CACNA1B: variants seen among roughly 807,000 people sequenced by gnomAD.
CACNA1B encodes the protein calcium voltage-gated channel subunit alpha1 B.
CACNA1B carries 70 observed loss-of-function variants against 247.2 expected under a neutral mutation model. That is an observed-to-expected ratio of 0.28 (90% CI 0.23 to 0.35). The LOEUF (loss-of-function observed/expected upper bound fraction) is 0.35, where lower values mean the gene tolerates loss of function less well. Among genes scored for constraint, CACNA1B ranks in the 10% least tolerant of loss-of-function variants. The pLI, the probability that CACNA1B is intolerant of heterozygous loss-of-function variation, is 1.00. For missense variants in CACNA1B, 2,367 were observed against 3,197.4 expected, an observed-to-expected ratio of 0.74 and a Z score of 6.26; for synonymous variants, 1,231 against 1,294.4, an observed-to-expected ratio of 0.95 and a Z score of 1.05.
rs1483721834 is a variant in CACNA1B, at chr9:138,072,695, C to T, written c.4675-793C>T. Among the ~76,000 whole-genome samples the T allele has an allele frequency of 8.5e-5, 13 of 152,202 alleles. No individual in the cohort carries two copies. In the East Asian group the frequency reaches 2.5e-3, roughly 29 times the overall value. ...GCCTGCTTCCCTGAAAGGGATGTGC[C>T]AGTACAGTAATTCAAGTGCCCTGGG... On this transcript the variant is annotated intron_variant, in intron 32 of 46. Coordinates refer to ENST00000371372, the MANE Select transcript of CACNA1B (RefSeq NM_000718.4). This position sits in a 1 kb window ranked among gnomAD's most constrained non-coding sequence, Gnocchi z 4.5.
intron 16 of CACNA1B, among the ~76,000 whole-genome samples, 183 bp from the exon 17 acceptor site, chr9:138,009,827 A>T (rs1003618361): frequency 1.3e-5 from 2 of 152,076 alleles, no homozygotes; most frequent in African/African-American, 4.8e-5. Context: ...GTGAGGATGG[A>T]ACAGGGGGCT....
chr9:137,958,240 C>T (rs1030612028), intron 10 of CACNA1B, among the ~76,000 whole-genome samples: 8 of 152,182 alleles, frequency 5.3e-5, no homozygotes, highest in African/African-American at 1.9e-4. Context: ...CACACTCATG[C>T]GTACACACAC....
intron 6 of CACNA1B, among the ~76,000 whole-genome samples, chr9:137,933,469 G>A (rs571589838): frequency 3.9e-5 from 6 of 152,186 alleles, no homozygotes; most frequent in Non-Finnish European, 5.9e-5. Context: ...ATTGGTTTCT[G>A]AGGGGATGCA....
chr9:137,931,567 CG>C (rs1306802328), intron 6 of CACNA1B, among the ~76,000 whole-genome samples: 1 of 152,066 alleles, frequency 6.6e-6, no homozygotes. Flanking sequence ...TCATTTCCCC[CG>C]AGATGTGATC....
Position 138,121,609 on chromosome 9 carries a change from C to T in CACNA1B, c.6630C>T (p.Pro2210=), listed in dbSNP as rs756642064. 6.2e-7 allele frequency: 1 copy of T among 1,613,208 alleles called. No homozygotes were observed. The highest frequency in any genetic ancestry group is 1.1e-5 in the South Asian group (1 of 91,018). Residue 2210 remains proline (P), a synonymous_variant, in exon 47 of 47, where the codon CCC becomes CCT. Coordinates refer to ENST00000371372, the MANE Select transcript of CACNA1B (RefSeq NM_000718.4). The surrounding 1 kb of genome is among the most constrained non-coding windows in gnomAD (Gnocchi z 6.8). The stretch of plus-strand genomic sequence containing the variant: ...CCTACAAGACGGCCAACTCCTCACC[C>T]ATCCACTTCGCCGGGGCTCAGACCA... The part of the protein sequence containing the change: ...SITYKTANSS[P]IHFAGAQTSL...
At chr9:137,951,195 T>G (rs1158086677) in intron 6 of CACNA1B, among the ~76,000 whole-genome samples, 1 of 152,250 alleles carries the variant, frequency 6.6e-6, no homozygotes, top group Non-Finnish European at 1.5e-5. Flanking sequence ...TCTAGGAACA[T>G]GAACTGCAGC....
chr9:137,959,584 GAA>G (rs879843618), intron 10 of CACNA1B, among the ~76,000 whole-genome samples: 1 of 142,950 alleles, frequency 7.0e-6, no homozygotes. Flanking sequence ...ATCCAAAAAA[GAA>G]AAAAAAAAAG....
chr9:137,925,785 C>A (rs1219670456), intron 6 of CACNA1B, among the ~76,000 whole-genome samples: 1 of 151,722 alleles, frequency 6.6e-6, no homozygotes, highest in Non-Finnish European at 1.5e-5. Context: ...CTCTGTCGCC[C>A]AGGCTGGAGT....
At chr9:138,089,868 A>G (rs534816241) in intron 36 of CACNA1B, among the ~76,000 whole-genome samples, 2 of 152,336 alleles carry the variant, frequency 1.3e-5, no homozygotes, top group Middle Eastern at 3.4e-3. Context: ...TCTCATTTAC[A>G]ATAGTTACAA....
At chr9:137,937,749 C>T (rs976766735) in intron 6 of CACNA1B, among the ~76,000 whole-genome samples, 2 of 151,808 alleles carry the variant, frequency 1.3e-5, no homozygotes, top group Non-Finnish European at 2.9e-5. Flanking sequence ...AGTTTGTGAC[C>T]AGCCTGACCA....
chr9:138,120,584 C>G, intron 45 of CACNA1B, 47 bp from the exon 46 acceptor site: 1 of 1,465,460 alleles, frequency 6.8e-7, no homozygotes, highest in Non-Finnish European at 9.0e-7. Flanking sequence ...GGTCAGGGGT[C>G]CCTGCCTTGG....
At chr9:138,120,398 C>T in intron 45 of CACNA1B, 26 bp downstream of exon 45, 1 of 1,525,286 alleles carries the variant, frequency 6.6e-7, no homozygotes, top group East Asian at 2.4e-5. Flanking sequence ...CCCGGGGAGT[C>T]CTTCGGGGAG....
rs570653172 is a variant in CACNA1B at position 137,990,053 on chromosome 9, C to A, written c.1974+3199C>A. 9.9e-4 allele frequency among the ~76,000 whole-genome samples: 151 copies of A among 152,246 alleles called. No homozygotes were observed. The highest frequency in any genetic ancestry group is 5.6e-3 in the South Asian group (27 of 4,822). Reference sequence around the variant, plus strand: ...CCACGGGAAGTTCTTGGAACTACCACAGGCAAGTTCTCAGCCCTGGGCACT... The same window carrying A: ...CCACGGGAAGTTCTTGGAACTACCAAAGGCAAGTTCTCAGCCCTGGGCACT... On this transcript the variant is annotated intron_variant, in intron 15 of 46. Transcript: ENST00000371372. This position sits in a 1 kb window ranked among gnomAD's most constrained non-coding sequence, Gnocchi z 4.5.
chr9:138,105,799 TG>T lies in CACNA1B; in HGVS notation c.5422del (p.Ala1808ProfsTer14). 1 of 1,544,364 alleles carries T rather than the reference TG, an allele frequency of 6.5e-7. No homozygotes were observed. The highest frequency in any genetic ancestry group is 8.8e-7 in the Non-Finnish European group (1 of 1,140,848). On this transcript the variant is annotated frameshift_variant, in exon 39 of 47. Coordinates refer to ENST00000371372, the MANE Select transcript of CACNA1B (RefSeq NM_000718.4). LOFTEE classifies it high-confidence loss of function. ...ALIRTALEIK[L>X]APAGTKQHQC... The stretch of plus-strand genomic sequence containing the variant: ...ATCCGGACGGCACTGGAGATCAAGC[TG>T]GCCCCAGGTGAGCAAGGCAGCCTCG...
intron 3 of CACNA1B, among the ~76,000 whole-genome samples, chr9:137,883,702 A>G (rs1421413344): frequency 7.2e-5 from 11 of 152,132 alleles, no homozygotes; most frequent in Non-Finnish European, 1.6e-4. Context: ...AGTTGCCCCC[A>G]CAGAGCCTGT....
intron 3 of CACNA1B, among the ~76,000 whole-genome samples, chr9:137,889,170 G>A (rs1957060185): frequency 6.6e-6 from 1 of 150,412 alleles, no homozygotes; most frequent in African/African-American, 2.4e-5. Flanking sequence ...TGCCCGAGGG[G>A]CCAGGACACG....
chr9:138,005,182 A>G (rs1156476466), intron 15 of CACNA1B, among the ~76,000 whole-genome samples: 1 of 152,272 alleles, frequency 6.6e-6, no homozygotes, highest in Non-Finnish European at 1.5e-5. Context: ...TCATGGCAGC[A>G]CTATTCACAG....
chr9:138,120,422 CAGG>C lies in CACNA1B; in HGVS notation c.6238+51_6238+53del, dbSNP rs764435969. The C allele has an allele frequency of 6.0e-6, 9 of 1,498,750 alleles. No individual in the cohort carries two copies. In the South Asian group the frequency reaches 9.8e-5, roughly 16 times the overall value. 92.8% of individuals were successfully genotyped at this position (1,498,750 alleles called of 1,614,324 possible). A position where few individuals can be genotyped will look rare whatever the true frequency, so the allele number is the denominator to read the frequency against. ...TCCTTCGGGGAGCTATGGCCCGAGTCAGGGGGTCCAAGCGGCCCATGGGGGACC... is the reference window on the plus strand; with the variant it reads ...TCCTTCGGGGAGCTATGGCCCGAGTCGGGTCCAAGCGGCCCATGGGGGACC... On this transcript the variant is annotated intron_variant, in intron 45 of 46. Coordinates refer to ENST00000371372, the MANE Select transcript of CACNA1B (RefSeq NM_000718.4).
chr9:137,904,660 A>G (rs1276137686), intron 3 of CACNA1B, among the ~76,000 whole-genome samples: 1 of 151,834 alleles, frequency 6.6e-6, no homozygotes, highest in African/African-American at 2.4e-5. Context: ...GAGCCACTGC[A>G]CTGCCTCCGC....
Sources: allele counts gnomAD v4.1 joint callset (sites outside exome capture counted in the v4.1 genomes callset), GRCh38; gene constraint gnomAD v4.1.1; non-coding constraint Gnocchi (gnomAD v3.1); transcripts MANE v1.5; gene names NCBI Gene and HGNC (gene_info 2026-07-23, HGNC 2026-07-21).